The following CCSER2 variants were observed in gnomAD, a reference collection of about 807,000 sequenced individuals.
CCSER2 encodes serine-rich coiled-coil domain-containing protein 2.
CCSER2 carries 46 observed loss-of-function variants against 92.3 expected under a neutral mutation model. The observed-to-expected ratio is 0.50, with a 90% CI of 0.39 to 0.64. The LOEUF (loss-of-function observed/expected upper bound fraction) is 0.64, where lower values mean the gene tolerates loss of function less well. CCSER2 is among the 30% of genes least tolerant of loss of function. The probability of loss-of-function intolerance (pLI) is 0.00; values close to 1 mark genes in which losing one functional copy is unlikely to be tolerated. For synonymous variants in CCSER2, 433 were observed against 431.4 expected (o/e 1.00, Z -0.04); for missense variants, 1,244 against 1,238.9 (o/e 1.00, Z -0.06).
Position 84,386,368 on chromosome 10 carries a change from G to A in CCSER2, c.1614+12553G>A, listed in dbSNP as rs576732742. 8.6e-4 allele frequency among the ~76,000 whole-genome samples: 131 copies of A among 152,138 alleles called. 1 individual carries two copies. Among genetic ancestry groups the A allele is most frequent in the Non-Finnish European group, 2.5e-4 (17 of 68,036 alleles). ...CTTAAGTGTCCATTAGTAGTTGATT[G>A]GATAAAGAAAATGTGGTGTATATAC... On this transcript the variant is annotated intron_variant, in intron 3 of 9. Coordinates refer to ENST00000372088, the MANE Select transcript of CCSER2 (RefSeq NM_001284240.2).
intron 6 of CCSER2, among the ~76,000 whole-genome samples, chr10:84,439,446 A>G (rs1165289689): frequency 6.6e-6 from 1 of 152,206 alleles, no homozygotes; most frequent in African/African-American, 2.4e-5. Flanking sequence ...GCTTAAAACT[A>G]CAGTTAAGAA....
chr10:84,408,684 G>T (rs1364855105), intron 3 of CCSER2, among the ~76,000 whole-genome samples: 1 of 152,172 alleles, frequency 6.6e-6, no homozygotes, highest in African/African-American at 2.4e-5. Flanking sequence ...TAACAGTGGT[G>T]ACAGTTCTCC....
At chr10:84,335,165 C>T (rs1299261341) in intron 1 of CCSER2, among the ~76,000 whole-genome samples, 1 of 151,312 alleles carries the variant, frequency 6.6e-6, no homozygotes, top group South Asian at 2.1e-4. Flanking sequence ...ATTGAAAAGC[C>T]CAGTGACATC....
intron 3 of CCSER2, among the ~76,000 whole-genome samples, chr10:84,411,640 A>G (rs946806099): frequency 7.9e-5 from 12 of 152,096 alleles, no homozygotes; most frequent in African/African-American, 2.7e-4. Flanking sequence ...GATGCTATCC[A>G]TTTTTGCACA....
chr10:84,513,226 C>T lies in CCSER2; in HGVS notation c.2326-223C>T, dbSNP rs146184001. 1.1e-3 allele frequency among the ~76,000 whole-genome samples: 162 copies of T among 152,134 alleles called. 2 individuals carry two copies. In the East Asian group the frequency reaches 0.029, roughly 27 times the overall value. ...TTCTTTTTCTCATTTAATTTTGGAT[C>T]TTGTTCAGTGTTTACTGCCTGTATC... On this transcript the variant is annotated intron_variant, in intron 9 of 9. Coordinates refer to ENST00000372088, the MANE Select transcript of CCSER2 (RefSeq NM_001284240.2).
chr10:84,430,311 G>A (rs1405184567), intron 5 of CCSER2, among the ~76,000 whole-genome samples: 1 of 152,162 alleles, frequency 6.6e-6, no homozygotes, highest in Non-Finnish European at 1.5e-5. Flanking sequence ...GCCTATACAT[G>A]TATATGTTCT....
At chr10:84,441,435 A>G (rs1186860863) in intron 6 of CCSER2, among the ~76,000 whole-genome samples, 2 of 151,986 alleles carry the variant, frequency 1.3e-5, no homozygotes, top group African/African-American at 4.8e-5. Flanking sequence ...TTTTATTGAG[A>G]ATTCTTTGGT....
At chr10:84,402,467 C>G (rs1842169004) in intron 3 of CCSER2, among the ~76,000 whole-genome samples, 1 of 151,816 alleles carries the variant, frequency 6.6e-6, no homozygotes, top group Non-Finnish European at 1.5e-5. Context: ...AAACAAAAAC[C>G]AAACACTATT....
intron 6 of CCSER2, among the ~76,000 whole-genome samples, chr10:84,462,599 A>G (rs955805085): frequency 5.3e-5 from 8 of 152,196 alleles, no homozygotes; most frequent in Non-Finnish European, 8.8e-5. Flanking sequence ...GAATATTGCT[A>G]TTCATTAGAA....
chr10:84,499,434 C>T (rs1057289597), intron 9 of CCSER2, among the ~76,000 whole-genome samples: 3 of 152,016 alleles, frequency 2.0e-5, no homozygotes, highest in Non-Finnish European at 2.9e-5. Flanking sequence ...TGCACCCGGC[C>T]GAAATAAAAA....
rs34999469 is a variant in CCSER2 at position 84,380,694 on chromosome 10, C to CT, written c.1614+6896dup. ...TCCTTGGATTCTCTGTGTTCCTTTT[C>CT]TTTTTTTTTTTTTTTTTGAGACAGA... On this transcript the variant is annotated intron_variant, in intron 3 of 9. Coordinates refer to ENST00000372088, the MANE Select transcript of CCSER2 (RefSeq NM_001284240.2). 7.4e-3 allele frequency among the ~76,000 whole-genome samples: 995 copies of CT among 133,706 alleles called. 8 individuals are homozygous for CT. Among genetic ancestry groups the CT allele is most frequent in the African/African-American group, 0.011 (406 of 36,280 alleles). The allele number at this position is 133,706 out of a possible 152,430, so 87.7% of individuals were successfully genotyped here.
chr10:84,477,715 GT>G, intron 9 of CCSER2, 51 bp downstream of exon 9: 1 of 997,694 alleles, frequency 1.0e-6, no homozygotes, highest in South Asian at 1.4e-5. Context: ...CTATTTTGAT[GT>G]TTTATTTCAC....
intron 9 of CCSER2, among the ~76,000 whole-genome samples, chr10:84,482,892 A>G (rs11201059): frequency 0.36 from 54,303 of 152,068 alleles, 11,564 homozygotes; most frequent in East Asian, 0.5. Flanking sequence ...AATGGGCACA[A>G]TTCGATCTAA....
chr10:84,334,395 A>G (rs1400670824), intron 1 of CCSER2, among the ~76,000 whole-genome samples: 1 of 152,004 alleles, frequency 6.6e-6, no homozygotes, highest in African/African-American at 2.4e-5. Context: ...AAGTGAATTG[A>G]CCAATCATAG....
At chr10:84,398,043 T>G (rs962696013) in intron 3 of CCSER2, among the ~76,000 whole-genome samples, 1 of 152,230 alleles carries the variant, frequency 6.6e-6, no homozygotes, top group Non-Finnish European at 1.5e-5. Flanking sequence ...CACTGTTTGT[T>G]ATCTTACTAT....
intron 1 of CCSER2, among the ~76,000 whole-genome samples, chr10:84,357,674 TCTC>T (rs1398308749): frequency 6.6e-6 from 1 of 152,130 alleles, no homozygotes; most frequent in Non-Finnish European, 1.5e-5. Context: ...ATGGTCTTGA[TCTC>T]CTGACCTCGT....
intron 3 of CCSER2, among the ~76,000 whole-genome samples, chr10:84,387,818 G>A (rs550268393): frequency 8.8e-4 from 134 of 152,070 alleles, no homozygotes; most frequent in African/African-American, 3.2e-3. Flanking sequence ...GTGAGCCACC[G>A]CGCCCGGCCA....
Position 84,350,129 on chromosome 10 carries a change from G to C in CCSER2, c.-39-20885G>C, listed in dbSNP as rs188270578. Among the ~76,000 whole-genome samples, 210 of 152,250 alleles carry C rather than the reference G, an allele frequency of 1.4e-3. 1 individual carries two copies. Among genetic ancestry groups the C allele is most frequent in the Middle Eastern group, 6.8e-3 (2 of 294 alleles). ...TATCATGCCACTGCACTCCAGCCTG[G>C]GTGACAGCGAGATTCCGTCTCCAAA... On this transcript the variant is annotated intron_variant, in intron 1 of 9. Coordinates refer to ENST00000372088, the MANE Select transcript of CCSER2 (RefSeq NM_001284240.2).
intron 6 of CCSER2, among the ~76,000 whole-genome samples, chr10:84,452,970 A>G (rs1325699000): frequency 6.6e-6 from 1 of 152,026 alleles, no homozygotes; most frequent in Non-Finnish European, 1.5e-5. Flanking sequence ...TTGTTGTTAT[A>G]TTCCTAATCT....
Sources: gnomAD v4.1 joint callset for allele counts (sites outside exome capture counted in the v4.1 genomes callset) on GRCh38, gnomAD v4.1.1 for gene constraint, MANE v1.5 for transcripts, NCBI Gene and HGNC (gene_info 2026-07-23, HGNC 2026-07-21) for gene names.